Variants in FAF2 observed in about 807,000 individuals in gnomAD.
The protein encoded by FAF2 is FAS-associated factor 2.
In FAF2, 9 loss-of-function variants were observed where a neutral mutation model predicts 62.3. That is an observed-to-expected ratio of 0.14 (90% confidence interval 0.09 to 0.25). The LOEUF is 0.25. FAF2 is among the 10% of genes least tolerant of loss of function. The pLI is 1.00. For missense variants in FAF2, 368 were observed against 556.2 expected (o/e 0.66, Z 3.40); for synonymous variants, 202 against 198.0 (o/e 1.02, Z -0.17).
At chr5:176,455,301 C>T (rs1374095400) in intron 1 of FAF2, among the ~76,000 whole-genome samples, 1 of 151,468 alleles carries the variant, frequency 6.6e-6, no homozygotes, top group East Asian at 1.9e-4. Context: ...ATTAGCTGGT[C>T]GTAGTGGCGC....
intron 1 of FAF2, among the ~76,000 whole-genome samples, chr5:176,463,724 G>GT (rs200216378): frequency 0.016 from 2,058 of 129,512 alleles, 23 homozygotes; most frequent in Non-Finnish European, 0.023. Flanking sequence ...GTTATTGCAT[G>GT]TTTTTTTTTT....
intron 8 of FAF2, 101 bp from the exon 9 acceptor site, chr5:176,498,813 A>ACATTTT: frequency 8.8e-7 from 1 of 1,132,332 alleles, no homozygotes; most frequent in Non-Finnish European, 1.2e-6. Context: ...AAGAATATCA[A>ACATTTT]CATTTTTACA....
rs777726669 is a variant in FAF2, at chr5:176,488,953, G to A, written c.270G>A (p.Gly90=). Residue 90 remains glycine (G), a splice_region_variant and synonymous_variant, in exon 4 of 11, where the codon GGG becomes GGA. Coordinates refer to ENST00000261942, the MANE Select transcript of FAF2 (RefSeq NM_014613.3). The stretch of plus-strand genomic sequence containing the variant: ...TAACTTTGTTTTTGGACTTTCAGGG[G>A]CTGCTTGGATGGGGTTATTACTTGA... ...SYVVSRPQPR[G]LLGWGYYLIM... is the part of the protein sequence containing the mutation. 1.2e-6 allele frequency: 2 copies of A among 1,613,606 alleles called. No homozygotes were observed. The highest frequency in any genetic ancestry group is 3.3e-5 in the Admixed American group (2 of 59,994).
chr5:176,507,108 G>C lies in FAF2; in HGVS notation c.*158G>C. 1 of 362,498 alleles carries C rather than the reference G, an allele frequency of 2.8e-6. No homozygotes were observed. Among genetic ancestry groups the C allele is most frequent in the Non-Finnish European group, 4.2e-6 (1 of 235,982 alleles). The allele number at this position is 362,498 out of a possible 1,614,324, so 22.5% of individuals were successfully genotyped here. A position where few individuals can be genotyped will look rare whatever the true frequency, so the allele number is the denominator to read the frequency against. Reference sequence around the variant, plus strand: ...TTTTTAAAAGACTGCTGCATCCTTAGGAAGGATCAGAAACCATGCTGCCCG... The same window carrying C: ...TTTTTAAAAGACTGCTGCATCCTTACGAAGGATCAGAAACCATGCTGCCCG... On this transcript the variant is annotated 3_prime_UTR_variant, in exon 11 of 11. Transcript: ENST00000261942.
chr5:176,488,206 G>A (rs1296643357), intron 3 of FAF2, among the ~76,000 whole-genome samples: 5 of 152,142 alleles, frequency 3.3e-5, no homozygotes, highest in Non-Finnish European at 5.9e-5. Context: ...TCGAACTCCT[G>A]ACCCCAGGTG....
chr5:176,451,803 T>TATATATACACACATATATATATATAC lies in FAF2; in HGVS notation c.63+3341_63+3366dup, dbSNP rs1561813384. ...GTGTGTGTGTATATATATATACATA[T>TATATATACACACATATATATATATAC]ATATATACACACATATATATATATA... is the stretch of plus-strand genomic sequence containing the variant. On this transcript the variant is annotated intron_variant, in intron 1 of 10. Coordinates refer to ENST00000261942, the MANE Select transcript of FAF2 (RefSeq NM_014613.3). Among the ~76,000 whole-genome samples the TATATATACACACATATATATATATAC allele has an allele frequency of 1.2e-4, 4 of 33,320 alleles. 1 individual carries two copies. The highest frequency in any genetic ancestry group is 2.1e-4 in the Non-Finnish European group (4 of 18,944). The allele number at this position is 33,320 out of a possible 152,430, so 21.9% of individuals were successfully genotyped here.
rs918573574 is a variant in FAF2 at position 176,508,955 on chromosome 5, T to TA, written c.*2006dup. 1.3e-5 allele frequency: 2 copies of TA among 152,020 alleles called. No individual in the cohort carries two copies. Among genetic ancestry groups the TA allele is most frequent in the Non-Finnish European group, 2.9e-5 (2 of 68,038 alleles). 9.4% of individuals were successfully genotyped at this position (152,020 alleles called of 1,614,324 possible). A position where few individuals can be genotyped will look rare whatever the true frequency, so the allele number is the denominator to read the frequency against. On this transcript the variant is annotated 3_prime_UTR_variant, in exon 11 of 11. Transcript: ENST00000261942. Reference sequence around the variant, plus strand: ...ACTGTCCACACCTCTTTGGGGAAGTTACGATTTTTTTTTTCCATCATAATT... The same window carrying TA: ...ACTGTCCACACCTCTTTGGGGAAGTTAACGATTTTTTTTTTCCATCATAATT...
chr5:176,474,245 C>T (rs979086034), intron 1 of FAF2, among the ~76,000 whole-genome samples: 1 of 152,224 alleles, frequency 6.6e-6, no homozygotes, highest in African/African-American at 2.4e-5. Context: ...TCTGTCACCT[C>T]TCACTTCTAC....
At chr5:176,464,487 CTTTTTTTT>C (rs142550204) in intron 1 of FAF2, among the ~76,000 whole-genome samples, 1 of 80,032 alleles carries the variant, frequency 1.2e-5, no homozygotes, top group Non-Finnish European at 2.3e-5. Context: ...CAAGCTGATT[CTTTTTTTT>C]TTTTTTTTTT....
At chr5:176,476,457 TC>T (rs2113730585) in intron 1 of FAF2, among the ~76,000 whole-genome samples, 1 of 152,130 alleles carries the variant, frequency 6.6e-6, no homozygotes, top group African/African-American at 2.4e-5. Context: ...AGTGAATTGT[TC>T]CCTGCTCTCA....
At chr5:176,496,305 C>T (rs1165496616) in intron 7 of FAF2, among the ~76,000 whole-genome samples, 181 bp from the exon 8 acceptor site, 3 of 151,934 alleles carry the variant, frequency 2.0e-5, no homozygotes, top group Non-Finnish European at 2.9e-5. Context: ...ATAGTGAGAC[C>T]CTGGCTCAAA....
intron 2 of FAF2, among the ~76,000 whole-genome samples, chr5:176,480,166 A>G (rs1432783325): frequency 6.6e-6 from 1 of 152,176 alleles, no homozygotes; most frequent in Non-Finnish European, 1.5e-5. Flanking sequence ...CATTCTTAGT[A>G]TATTAATAGT....
intron 1 of FAF2, among the ~76,000 whole-genome samples, chr5:176,451,823 T>TACAC (rs1414647582): frequency 1.8e-5 from 1 of 56,902 alleles, no homozygotes; most frequent in Non-Finnish European, 3.4e-5. Context: ...CACATATATA[T>TACAC]ATATACATAT....
rs112732538 is a variant in FAF2 at position 176,476,406 on chromosome 5, A to C, written c.64-2782A>C. Among the ~76,000 whole-genome samples the C allele has an allele frequency of 2.1e-3, 314 of 152,300 alleles. 1 individual carries two copies. Among genetic ancestry groups the C allele is most frequent in the African/African-American group, 7.3e-3 (304 of 41,568 alleles). ...TTTAACTTGGACTGATTCTTCTACG[A>C]TTTAAGCCCATAGTGTGTGCCTGGT... On this transcript the variant is annotated intron_variant, in intron 1 of 10. Transcript: ENST00000261942.
intron 1 of FAF2, among the ~76,000 whole-genome samples, chr5:176,470,347 G>A (rs1359060413): frequency 1.3e-5 from 2 of 152,248 alleles, no homozygotes. Context: ...GGAGGCCGAG[G>A]CGGGCGGATC....
intron 1 of FAF2, among the ~76,000 whole-genome samples, chr5:176,463,524 T>C (rs1246240243): frequency 6.6e-6 from 1 of 152,132 alleles, no homozygotes. Context: ...CCTTCATGTT[T>C]CTTTTTTTTC....
At chr5:176,451,891 TA>T (rs1158861502) in intron 1 of FAF2, among the ~76,000 whole-genome samples, 3 of 26,088 alleles carry the variant, frequency 1.1e-4, no homozygotes, top group Non-Finnish European at 6.8e-5. Flanking sequence ...TATATATATA[TA>T]TTTTTTTTTT....
At chr5:176,487,080 A>G (rs1758885620) in intron 3 of FAF2, among the ~76,000 whole-genome samples, 1 of 152,108 alleles carries the variant, frequency 6.6e-6, no homozygotes, top group Non-Finnish European at 1.5e-5. Flanking sequence ...CACCTCTTAT[A>G]CTTTTATACT....
intron 1 of FAF2, among the ~76,000 whole-genome samples, chr5:176,460,263 G>A (rs1448394028): frequency 6.6e-6 from 1 of 151,998 alleles, no homozygotes; most frequent in Non-Finnish European, 1.5e-5. Context: ...GGGATTGTTG[G>A]GTCAATTGAT....
Sources: gnomAD v4.1 joint callset for allele counts (sites outside exome capture counted in the v4.1 genomes callset) on GRCh38, gnomAD v4.1.1 for gene constraint, MANE v1.5 for transcripts, NCBI Gene and HGNC (gene_info 2026-07-23, HGNC 2026-07-21) for gene names.